STAG1: variants seen among roughly 807,000 people sequenced by gnomAD.
STAG1 encodes cohesin subunit SA-1.
Under a neutral mutation model 170.9 loss-of-function variants are expected in STAG1, and 26 were observed. The observed-to-expected ratio is 0.15, with a 90% CI of 0.11 to 0.21. The LOEUF (loss-of-function observed/expected upper bound fraction) is 0.21, where lower values mean the gene tolerates loss of function less well. Among genes scored for constraint, STAG1 ranks in the 10% least tolerant of loss-of-function variants. The pLI, the probability that STAG1 is intolerant of heterozygous loss-of-function variation, is 1.00. For synonymous variants in STAG1, 514 were observed against 497.7 expected (o/e 1.03, Z -0.44); for missense variants, 964 against 1,509.5 (o/e 0.64, Z 5.99).
At chr3:136,484,193 T>A (rs1317271363) in intron 9 of STAG1, among the ~76,000 whole-genome samples, 1 of 151,476 alleles carries the variant, frequency 6.6e-6, no homozygotes, top group African/African-American at 2.4e-5. Flanking sequence ...TTCTGTTTTT[T>A]CCCCATCTTT....
chr3:136,435,322 A>G (rs1258627993), intron 15 of STAG1, among the ~76,000 whole-genome samples: 1 of 152,230 alleles, frequency 6.6e-6, no homozygotes, highest in African/African-American at 2.4e-5. Context: ...CACTTCACAG[A>G]CAGGGAGAAT....
At chr3:136,659,497 G>C (rs550637649) in intron 1 of STAG1, among the ~76,000 whole-genome samples, 2 of 152,118 alleles carry the variant, frequency 1.3e-5, no homozygotes, top group Non-Finnish European at 2.9e-5. Context: ...TCTGAAATAC[G>C]TGTTATGCAT....
At chr3:136,463,995 T>G (rs897617983) in intron 13 of STAG1, among the ~76,000 whole-genome samples, 5 of 150,944 alleles carry the variant, frequency 3.3e-5, no homozygotes, top group Non-Finnish European at 1.5e-5. Context: ...CGCTAAAACA[T>G]GTACATCCTA....
chr3:136,465,645 A>G (rs533584443), intron 12 of STAG1, among the ~76,000 whole-genome samples: 1 of 151,762 alleles, frequency 6.6e-6, no homozygotes, highest in African/African-American at 2.4e-5. Context: ...TATACATACT[A>G]AAACCAACAA....
At chr3:136,617,341 T>C (rs574822594) in intron 3 of STAG1, among the ~76,000 whole-genome samples, 40 of 152,264 alleles carry the variant, frequency 2.6e-4, no homozygotes, top group African/African-American at 5.8e-4. Flanking sequence ...CATGAGATCA[T>C]TGGTGTTGGA....
chr3:136,716,889 C>G (rs1282569964), intron 1 of STAG1, among the ~76,000 whole-genome samples: 1 of 152,182 alleles, frequency 6.6e-6, no homozygotes, highest in Non-Finnish European at 1.5e-5. Context: ...TTTTTCCAAG[C>G]CTAGTTTCCT....
At chr3:136,513,238 T>G (rs903271630) in intron 7 of STAG1, among the ~76,000 whole-genome samples, 1 of 151,642 alleles carries the variant, frequency 6.6e-6, no homozygotes, top group Non-Finnish European at 1.5e-5. Flanking sequence ...GCCTGTAATC[T>G]CAGCTACTCA....
At chr3:136,500,430 T>A in intron 8 of STAG1, 134 bp from the exon 9 acceptor site, 1 of 584,606 alleles carries the variant, frequency 1.7e-6, no homozygotes, top group Non-Finnish European at 3.0e-6. Flanking sequence ...AGTACAGATG[T>A]GTGAAAATAC....
At position 136,455,079 on chromosome 3, in the gene STAG1, T is replaced by C. The variant is rs748840642; in HGVS notation, c.1314-2932A>G. ...AGTGAAGCTTTCATTTGCATAAGAA[T>C]TGGCTTGATTTTCACAAAGAAACAA... On this transcript the variant is annotated intron_variant, in intron 13 of 33. Coordinates refer to ENST00000383202, the MANE Select transcript of STAG1 (RefSeq NM_005862.3). Among the ~76,000 whole-genome samples the C allele has an allele frequency of 1.2e-4, 18 of 152,186 alleles. No homozygotes were observed. The South Asian group carries it at 1.4e-3, about 12-fold the overall frequency.
At chr3:136,574,061 T>C (rs1937362815) in intron 4 of STAG1, among the ~76,000 whole-genome samples, 1 of 151,688 alleles carries the variant, frequency 6.6e-6, no homozygotes. Flanking sequence ...GCTAACACGG[T>C]GAAATCCCAT....
intron 22 of STAG1, among the ~76,000 whole-genome samples, chr3:136,379,977 G>C (rs929650059): frequency 1.3e-5 from 2 of 151,374 alleles, no homozygotes; most frequent in African/African-American, 4.9e-5. Flanking sequence ...AGAATGATGT[G>C]GAATAGGCCA....
intron 4 of STAG1, among the ~76,000 whole-genome samples, chr3:136,569,770 T>G (rs1431612582): frequency 2.0e-5 from 3 of 152,136 alleles, no homozygotes; most frequent in Admixed American, 1.3e-4. Context: ...ATTAGTAGCT[T>G]GTTCACAACG....
chr3:136,393,339 T>C (rs370105752), intron 22 of STAG1, among the ~76,000 whole-genome samples: 28 of 152,208 alleles, frequency 1.8e-4, no homozygotes, highest in Admixed American at 1.2e-3. Flanking sequence ...GAGCCAACTT[T>C]TGTAAAAATA....
intron 1 of STAG1, among the ~76,000 whole-genome samples, chr3:136,643,626 T>G (rs968815953): frequency 1.3e-5 from 2 of 152,090 alleles, no homozygotes; most frequent in Non-Finnish European, 2.9e-5. Context: ...CTCCCACTTC[T>G]GCCTCCCAAG....
chr3:136,534,335 T>C (rs900092458), intron 6 of STAG1, among the ~76,000 whole-genome samples: 13 of 152,132 alleles, frequency 8.5e-5, no homozygotes, highest in African/African-American at 2.9e-4. Flanking sequence ...TTCAGGACAC[T>C]GGTCTAGGCA....
chr3:136,370,809 C>T (rs1045708945), intron 23 of STAG1, among the ~76,000 whole-genome samples: 100 of 152,144 alleles, frequency 6.6e-4, no homozygotes, highest in African/African-American at 2.2e-3. Context: ...TGAATAGTGC[C>T]GCAATAAACA....
intron 23 of STAG1, among the ~76,000 whole-genome samples, chr3:136,376,966 T>C (rs1389939632): frequency 6.6e-6 from 1 of 151,332 alleles, no homozygotes; most frequent in African/African-American, 2.4e-5. Context: ...AATTTTTTTT[T>C]GTATTTTTAG....
intron 1 of STAG1, among the ~76,000 whole-genome samples, chr3:136,665,841 C>T (rs1281266194): frequency 1.3e-5 from 2 of 149,862 alleles, no homozygotes; most frequent in East Asian, 3.9e-4. Context: ...TTTGGGAGGC[C>T]GAGGCAAACA....
In STAG1 at chr3:136,414,018, T is replaced by G. The variant is rs56820084; in HGVS notation, c.2196+3867A>C. Among the ~76,000 whole-genome samples the G allele has an allele frequency of 4.6e-3, 698 of 152,334 alleles. 6 individuals carry two copies. The highest frequency in any genetic ancestry group is 0.016 in the African/African-American group (670 of 41,584). ...ATAGCTTAACTAAAAAATGTAATAC[T>G]TTATTGCTAGAAAATGCTAATGATC... On this transcript the variant is annotated intron_variant, in intron 21 of 33. Coordinates refer to ENST00000383202, the MANE Select transcript of STAG1 (RefSeq NM_005862.3).
Sources: gnomAD v4.1 joint callset for allele counts (sites outside exome capture counted in the v4.1 genomes callset) on GRCh38, gnomAD v4.1.1 for gene constraint, MANE v1.5 for transcripts, NCBI Gene and HGNC (gene_info 2026-07-23, HGNC 2026-07-21) for gene names.